RRAS2: variants seen among roughly 807,000 people sequenced by gnomAD.
The protein encoded by RRAS2 is RAS related 2, also known as ras-related protein R-Ras2.
Under a neutral mutation model 27.6 loss-of-function variants are expected in RRAS2, and 7 were observed. That is an observed-to-expected ratio of 0.25 (90% CI 0.14 to 0.48). The LOEUF is 0.48. Ranked by LOEUF, RRAS2 falls within the 20% of genes least tolerant of loss-of-function variation. The pLI, the probability that RRAS2 is intolerant of heterozygous loss-of-function variation, is 0.99. For missense variants in RRAS2, 178 were observed against 256.2 expected, an observed-to-expected ratio of 0.69 and a Z score of 2.08; for synonymous variants, 86 against 90.9, an observed-to-expected ratio of 0.95 and a Z score of 0.31.
chr11:14,321,440 AGGGGTTG>A (rs1296046645), intron 1 of RRAS2, among the ~76,000 whole-genome samples: 12 of 152,130 alleles, frequency 7.9e-5, no homozygotes, highest in South Asian at 6.2e-4. Context: ...GTTCTTGTAT[AGGGGTTG>A]GGGGTTGGGG....
intron 1 of RRAS2, among the ~76,000 whole-genome samples, chr11:14,312,421 T>C (rs1431755199): frequency 6.6e-6 from 1 of 152,276 alleles, no homozygotes; most frequent in African/African-American, 2.4e-5. Flanking sequence ...TGTTTTTTGT[T>C]TGTTTTTTGT....
intron 1 of RRAS2, among the ~76,000 whole-genome samples, chr11:14,299,887 A>C (rs1192536686): frequency 6.6e-6 from 1 of 152,236 alleles, no homozygotes; most frequent in Non-Finnish European, 1.5e-5. Context: ...TAGACAGTTA[A>C]TACTACAGTT....
chr11:14,319,167 C>G (rs1221560294), intron 1 of RRAS2, among the ~76,000 whole-genome samples: 1 of 152,176 alleles, frequency 6.6e-6, no homozygotes, highest in African/African-American at 2.4e-5. Flanking sequence ...ATTGCCCCTG[C>G]TTTCTCTAGA....
chr11:14,280,555 A>G (rs1244649346), intron 5 of RRAS2, among the ~76,000 whole-genome samples: 4 of 151,678 alleles, frequency 2.6e-5, no homozygotes, highest in Admixed American at 2.0e-4. Context: ...GTGAAACCCC[A>G]TCTCTACTAA....
At chr11:14,309,859 C>T (rs1323310662) in intron 1 of RRAS2, among the ~76,000 whole-genome samples, 1 of 152,152 alleles carries the variant, frequency 6.6e-6, no homozygotes, top group Non-Finnish European at 1.5e-5. Context: ...AAATGAAAAC[C>T]ACTAGAGGGT....
intron 5 of RRAS2, 39 bp downstream of exon 5, chr11:14,281,563 A>C: frequency 6.9e-7 from 1 of 1,455,606 alleles, no homozygotes; most frequent in Non-Finnish European, 9.3e-7. Context: ...ATTTAATAGT[A>C]ATTTATTAAA....
chr11:14,332,557 G>T lies in RRAS2; in HGVS notation c.108+26206C>A, dbSNP rs61884001. 1.5e-3 allele frequency among the ~76,000 whole-genome samples: 225 copies of T among 152,246 alleles called. 2 individuals carry two copies. Among genetic ancestry groups the T allele is most frequent in the Admixed American group, 2.9e-3 (44 of 15,294 alleles). ...AACCATAGAAACAAGCAATATCATA[G>T]ATGAATGTCAAAATCATCATGCCAA... On this transcript the variant is annotated intron_variant, in intron 1 of 5. Coordinates refer to ENST00000256196, the MANE Select transcript of RRAS2 (RefSeq NM_012250.6).
chr11:14,287,648 G>A (rs1447528782), intron 4 of RRAS2, among the ~76,000 whole-genome samples: 1 of 151,998 alleles, frequency 6.6e-6, no homozygotes, highest in South Asian at 2.1e-4. Context: ...GAGGTGGGTG[G>A]ATCACCTAAG....
chr11:14,292,989 C>A (rs1214159128), intron 4 of RRAS2, among the ~76,000 whole-genome samples: 1 of 151,196 alleles, frequency 6.6e-6, no homozygotes. Context: ...CGCCTGTAGT[C>A]CCAAGCTACT....
intron 1 of RRAS2, among the ~76,000 whole-genome samples, chr11:14,333,639 AC>A (rs1362343531): frequency 7.7e-6 from 1 of 129,798 alleles, no homozygotes; most frequent in Non-Finnish European, 1.6e-5. Flanking sequence ...TGTTTTCCCC[AC>A]CCCCACCCTG....
intron 1 of RRAS2, among the ~76,000 whole-genome samples, chr11:14,332,728 G>A (rs1848506027): frequency 6.6e-6 from 1 of 152,092 alleles, no homozygotes; most frequent in African/African-American, 2.4e-5. Context: ...TCCTATATGT[G>A]CTTGTAATGA....
chr11:14,308,522 C>T (rs183772014), intron 1 of RRAS2, among the ~76,000 whole-genome samples: 1 of 152,162 alleles, frequency 6.6e-6, no homozygotes, highest in South Asian at 2.1e-4. Context: ...TTAGCTCCTA[C>T]AATATGCCAA....
chr11:14,342,090 C>A, intron 1 of RRAS2: 1 of 421,392 alleles, frequency 2.4e-6, no homozygotes, highest in Non-Finnish European at 3.4e-6. Context: ...ATCAAGTGTG[C>A]TTTTGGGTGA....
chr11:14,317,506 G>A (rs1318783784), intron 1 of RRAS2, among the ~76,000 whole-genome samples: 1 of 152,222 alleles, frequency 6.6e-6, no homozygotes, highest in African/African-American at 2.4e-5. Context: ...CTTGAACCCG[G>A]AAGGCAGAGG....
intron 1 of RRAS2, among the ~76,000 whole-genome samples, chr11:14,351,364 A>C (rs1477491131): frequency 3.9e-5 from 6 of 152,332 alleles, no homozygotes; most frequent in African/African-American, 1.4e-4. Context: ...AACAAATTCT[A>C]CACATCAGGT....
intron 2 of RRAS2, 39 bp from the exon 3 acceptor site, chr11:14,294,901 T>A (rs782432173): frequency 1.2e-4 from 188 of 1,574,956 alleles, no homozygotes; most frequent in Non-Finnish European, 1.6e-4. Context: ...ACTTGTTTTT[T>A]ATAAACTGCT....
intron 1 of RRAS2, among the ~76,000 whole-genome samples, 183 bp from the exon 2 acceptor site, chr11:14,296,038 G>C (rs1458325138): frequency 6.6e-6 from 1 of 151,724 alleles, no homozygotes; most frequent in Non-Finnish European, 1.5e-5. Flanking sequence ...TAAAAAATTA[G>C]CCGACGTGGT....
At chr11:14,290,854 A>G (rs1223895853) in intron 4 of RRAS2, among the ~76,000 whole-genome samples, 1 of 152,214 alleles carries the variant, frequency 6.6e-6, no homozygotes, top group Non-Finnish European at 1.5e-5. Context: ...ATATACTCAG[A>G]GGGGAATGTG....
At chr11:14,279,654 G>A (rs184643377) in intron 5 of RRAS2, among the ~76,000 whole-genome samples, 15 of 152,252 alleles carry the variant, frequency 9.9e-5, no homozygotes, top group Admixed American at 2.0e-4. Flanking sequence ...TGAATCAGAC[G>A]AGATACTAGA....
Sources: gnomAD v4.1 joint callset for allele counts (sites outside exome capture counted in the v4.1 genomes callset) on GRCh38, gnomAD v4.1.1 for gene constraint, MANE v1.5 for transcripts, NCBI Gene and HGNC (gene_info 2026-07-23, HGNC 2026-07-21) for gene names.